The following ZNF226 variants were observed in gnomAD, a reference collection of about 807,000 sequenced individuals.
The protein encoded by ZNF226 is zinc finger protein 226, also known as Kruppel-associated box protein.
Under a neutral mutation model 11.4 loss-of-function variants are expected in ZNF226, and 6 were observed. That is an observed-to-expected ratio of 0.53 (90% confidence interval 0.29 to 1.04). ZNF226 has a LOEUF of 1.04. ZNF226 is among the 50% of genes least tolerant of loss of function. The pLI, the probability that ZNF226 is intolerant of heterozygous loss-of-function variation, is 0.08. For missense variants in ZNF226, 1,058 were observed against 956.5 expected (o/e 1.11, Z -1.40); for synonymous variants, 350 against 322.8 (o/e 1.08, Z -0.90).
the ZNF226 span, among the ~76,000 whole-genome samples, chr19:44,184,749 C>T: frequency 1.3e-5 from 2 of 152,112 alleles, no homozygotes; most frequent in African/African-American, 4.8e-5. Context: ...TCACTTTAAA[C>T]ATTTATTATG....
At position 44,169,850 on chromosome 19, in the gene ZNF226, C is replaced by T. The variant is rs546000220; in HGVS notation, c.-46-185C>T. Among the ~76,000 whole-genome samples, 5 of 152,336 alleles carry T rather than the reference C, an allele frequency of 3.3e-5. No individual in the cohort carries two copies. The South Asian group carries it at 1.0e-3, about 32-fold the overall frequency. The stretch of plus-strand genomic sequence containing the variant: ...GCAGTGAGGCCACTGTGTGGTTAGC[C>T]TGGTTCTGAACTACTGCTGAAAGGG... On this transcript the variant is annotated intron_variant, in intron 2 of 5. Transcript: ENST00000337433.
At chr19:44,194,410 G>A in the ZNF226 span, among the ~76,000 whole-genome samples, 2 of 152,030 alleles carry the variant, frequency 1.3e-5, no homozygotes. Flanking sequence ...TGAGTAGCTG[G>A]GGAGACACGC....
rs774780465 is a variant in ZNF226, at chr19:44,176,699, A to G, written c.1437A>G (p.Val479=). Residue 479 remains valine (V), a synonymous_variant, in exon 6 of 6, where the codon GTA becomes GTG. Coordinates refer to ENST00000337433, the MANE Select transcript of ZNF226 (RefSeq NM_001032373.2). ...HTGEKSYICT[V]CGKGFTLSSN... ...GAGAGAAGTCATACATATGTACTGTATGTGGGAAAGGCTTTACTCTGAGTT... is the reference window on the plus strand; with the variant it reads ...GAGAGAAGTCATACATATGTACTGTGTGTGGGAAAGGCTTTACTCTGAGTT... 6.2e-6 allele frequency: 10 copies of G among 1,613,686 alleles called. No homozygotes were observed. The African/African-American group carries it at 6.7e-5, about 11-fold the overall frequency.
At chr19:44,198,064 C>A in the ZNF226 span, among the ~76,000 whole-genome samples, 1 of 152,076 alleles carries the variant, frequency 6.6e-6, no homozygotes, top group Non-Finnish European at 1.5e-5. Flanking sequence ...TATACAATAT[C>A]CTCACTTCTT....
At position 44,175,919 on chromosome 19, in the gene ZNF226, A is replaced by G. The variant is rs765528109; in HGVS notation, c.657A>G (p.Lys219=). ...ATCATGATGGTCATAGAGTACACAA[A>G]AGTGAAAAATCTTATAGACCCAATG... is the stretch of plus-strand genomic sequence containing the variant. ...ISHHDGHRVH[K]SEKSYRPNDY... Residue 219 remains lysine, a synonymous_variant, in exon 6 of 6, where the codon AAA becomes AAG. Coordinates refer to ENST00000337433, the MANE Select transcript of ZNF226 (RefSeq NM_001032373.2). The G allele has an allele frequency of 4.0e-5, 64 of 1,613,490 alleles. No homozygotes were observed. The highest frequency in any genetic ancestry group is 5.3e-5 in the Non-Finnish European group (63 of 1,179,802).
the ZNF226 span, among the ~76,000 whole-genome samples, chr19:44,197,938 T>C: frequency 2.0e-5 from 3 of 152,186 alleles, no homozygotes; most frequent in East Asian, 1.9e-4. Context: ...CACAAAGATA[T>C]TTTAGTAGCT....
chr19:44,180,801 G>A (rs1374596495), downstream of ZNF226, among the ~76,000 whole-genome samples: 1 of 152,178 alleles, frequency 6.6e-6, no homozygotes, highest in Non-Finnish European at 1.5e-5. Flanking sequence ...ACCCCAGGTA[G>A]AGCAGGACTT....
At chr19:44,190,175 T>A in the ZNF226 span, among the ~76,000 whole-genome samples, 10 of 151,970 alleles carry the variant, frequency 6.6e-5, no homozygotes, top group Non-Finnish European at 1.0e-4. Flanking sequence ...ACAGTAAGAC[T>A]GATTTGTTTG....
the ZNF226 span, among the ~76,000 whole-genome samples, chr19:44,192,787 A>G: frequency 6.6e-6 from 1 of 152,244 alleles, no homozygotes; most frequent in Non-Finnish European, 1.5e-5. Flanking sequence ...AACGGATTTC[A>G]GAATATCAAA....
intron 2 of ZNF226, chr19:44,166,796 G>A (rs1010086957): frequency 6.6e-6 from 1 of 152,126 alleles, no homozygotes; most frequent in Non-Finnish European, 1.5e-5. Context: ...AGGTAGAAAG[G>A]CTCATTCTTG....
At chr19:44,166,655 G>A (rs920794310) in intron 2 of ZNF226, 7 of 152,130 alleles carry the variant, frequency 4.6e-5, no homozygotes, top group Admixed American at 6.5e-5. Flanking sequence ...AACAACTATA[G>A]TTTAGTGCCT....
the ZNF226 span, among the ~76,000 whole-genome samples, chr19:44,188,366 A>G: frequency 6.6e-6 from 1 of 152,218 alleles, no homozygotes; most frequent in Non-Finnish European, 1.5e-5. Flanking sequence ...CACAGATTCA[A>G]CTAATCTTGG....
the ZNF226 span, among the ~76,000 whole-genome samples, chr19:44,188,855 A>G: frequency 1.3e-5 from 2 of 152,208 alleles, no homozygotes; most frequent in Admixed American, 1.3e-4. Context: ...TACAGTGGGT[A>G]TATTCAGGGA....
intron 5 of ZNF226, chr19:44,175,231 A>G (rs906336054): frequency 2.2e-5 from 31 of 1,400,474 alleles, no homozygotes; most frequent in African/African-American, 2.9e-5. Flanking sequence ...AAGACATGGA[A>G]TAAAAAATTT....
At chr19:44,180,184 G>A (rs958849635), downstream of ZNF226, among the ~76,000 whole-genome samples, 2 of 148,528 alleles carry the variant, frequency 1.3e-5, no homozygotes, top group African/African-American at 2.5e-5. Context: ...ATTTAACAAA[G>A]ATTCCCTGAG....
At chr19:44,195,546 T>C in the ZNF226 span, among the ~76,000 whole-genome samples, 1 of 152,112 alleles carries the variant, frequency 6.6e-6, no homozygotes, top group African/African-American at 2.4e-5. Context: ...TTTAAAGAAG[T>C]GAGGAGGGTT....
intron 2 of ZNF226, among the ~76,000 whole-genome samples, chr19:44,167,186 G>A (rs1362781850): frequency 1.3e-5 from 2 of 152,104 alleles, no homozygotes; most frequent in African/African-American, 4.8e-5. Context: ...TTGTACTGGA[G>A]GCCTTCTGCC....
downstream of ZNF226, among the ~76,000 whole-genome samples, chr19:44,180,723 C>T (rs1568577326): frequency 6.6e-6 from 1 of 152,154 alleles, no homozygotes; most frequent in Non-Finnish European, 1.5e-5. Context: ...CTTTCTGGCC[C>T]TTTACAGAAA....
chr19:44,190,356 C>T, the ZNF226 span, among the ~76,000 whole-genome samples: 21 of 151,976 alleles, frequency 1.4e-4, no homozygotes, highest in East Asian at 2.9e-3. Context: ...TTTTTTGAGG[C>T]GGAGTCTCGC....
Sources: gnomAD v4.1 joint callset for allele counts (sites outside exome capture counted in the v4.1 genomes callset) on GRCh38, gnomAD v4.1.1 for gene constraint, MANE v1.5 for transcripts, NCBI Gene and HGNC (gene_info 2026-07-23, HGNC 2026-07-21) for gene names.